The following PRDM11 variants were observed in gnomAD, a reference collection of about 807,000 sequenced individuals.
PRDM11 encodes the protein PR/SET domain 11.
PRDM11 carries 20 observed loss-of-function variants against 97.8 expected under a neutral mutation model. That is an observed-to-expected ratio of 0.20 (90% CI 0.14 to 0.30). The LOEUF is 0.30. Ranked by LOEUF, PRDM11 falls within the 10% of genes least tolerant of loss-of-function variation. PRDM11 has a pLI of 1.00. For synonymous variants in PRDM11, 599 were observed against 637.7 expected (o/e 0.94, Z 0.91); for missense variants, 1,139 against 1,555.2 (o/e 0.73, Z 4.50).
At chr11:45,132,337 T>C (rs1355921866) in intron 1 of PRDM11, among the ~76,000 whole-genome samples, 1 of 152,142 alleles carries the variant, frequency 6.6e-6, no homozygotes, top group African/African-American at 2.4e-5. Flanking sequence ...GTTCACCCCA[T>C]CAAATACATA....
At chr11:45,174,265 A>G (rs146160721) in intron 1 of PRDM11, among the ~76,000 whole-genome samples, 1 of 152,222 alleles carries the variant, frequency 6.6e-6, no homozygotes. Flanking sequence ...AATTTGGTGA[A>G]TATTGTACAG....
intron 1 of PRDM11, among the ~76,000 whole-genome samples, chr11:45,127,748 T>C (rs1358446518): frequency 1.3e-5 from 2 of 152,196 alleles, no homozygotes; most frequent in African/African-American, 4.8e-5. Context: ...CCCTGTGAGG[T>C]GTCAGTCTGC....
chr11:45,140,253 G>A (rs1427800469), intron 1 of PRDM11, among the ~76,000 whole-genome samples: 3 of 152,194 alleles, frequency 2.0e-5, no homozygotes, highest in Non-Finnish European at 2.9e-5. Flanking sequence ...GTGGCTGTAT[G>A]GATTGACATG....
chr11:45,103,067 G>C (rs1852006204), intron 1 of PRDM11, among the ~76,000 whole-genome samples: 2 of 152,186 alleles, frequency 1.3e-5, no homozygotes, highest in African/African-American at 4.8e-5. Context: ...TCCCAGCCCA[G>C]TGCTCATATA....
chr11:45,204,650 G>A (rs937681131), intron 4 of PRDM11, 61 bp from the exon 5 acceptor site: 35 of 1,493,012 alleles, frequency 2.3e-5, no homozygotes, highest in Non-Finnish European at 3.3e-5. Flanking sequence ...TTGGGAAGGA[G>A]CCCAGGGACA....
At chr11:45,172,588 C>G (rs1485667277) in intron 1 of PRDM11, among the ~76,000 whole-genome samples, 1 of 152,106 alleles carries the variant, frequency 6.6e-6, no homozygotes, top group Non-Finnish European at 1.5e-5. Flanking sequence ...ACAGTCAACC[C>G]CTCCTATCCA....
intron 1 of PRDM11, among the ~76,000 whole-genome samples, chr11:45,180,559 C>T (rs920884258): frequency 7.3e-5 from 11 of 151,604 alleles, no homozygotes; most frequent in African/African-American, 2.2e-4. Flanking sequence ...CCCGCCCGGG[C>T]GCCCGCTTCC....
chr11:45,176,542 T>C (rs1004142508), intron 1 of PRDM11, among the ~76,000 whole-genome samples: 5 of 152,154 alleles, frequency 3.3e-5, no homozygotes, highest in Admixed American at 3.3e-4. Context: ...ACAGGACGGA[T>C]GGGGAAACCA....
At chr11:45,148,702 C>G (rs2135680010) in intron 1 of PRDM11, among the ~76,000 whole-genome samples, 1 of 152,260 alleles carries the variant, frequency 6.6e-6, no homozygotes, top group South Asian at 2.1e-4. Context: ...TGATGTGTTC[C>G]ATCAATTTCT....
At chr11:45,146,952 C>CG (rs1851523849) in intron 1 of PRDM11, 75 bp downstream of exon 1, 1 of 145,340 alleles carries the variant, frequency 6.9e-6, no homozygotes, top group Non-Finnish European at 1.5e-5. Context: ...CCAGCGAGCG[C>CG]GGGGGCCGCC....
intron 5 of PRDM11, among the ~76,000 whole-genome samples, chr11:45,208,481 G>T (rs1426423460): frequency 6.6e-6 from 1 of 152,218 alleles, no homozygotes; most frequent in Non-Finnish European, 1.5e-5. Flanking sequence ...CTATCTTTAA[G>T]AGATTTTAAG....
chr11:45,162,200 G>C (rs978577468), intron 1 of PRDM11, among the ~76,000 whole-genome samples: 1 of 152,166 alleles, frequency 6.6e-6, no homozygotes. Flanking sequence ...GCAGAGGGTG[G>C]CTGCTTCAGC....
At chr11:45,156,617 T>C (rs1851800984) in intron 1 of PRDM11, among the ~76,000 whole-genome samples, 1 of 152,264 alleles carries the variant, frequency 6.6e-6, no homozygotes, top group African/African-American at 2.4e-5. Context: ...AAAATATCTG[T>C]TGGCATCAGA....
At chr11:45,156,537 T>C (rs1171491661) in intron 1 of PRDM11, among the ~76,000 whole-genome samples, 1 of 152,222 alleles carries the variant, frequency 6.6e-6, no homozygotes, top group Non-Finnish European at 1.5e-5. Context: ...CATGCAGACT[T>C]TGAGAGAAAG....
intron 5 of PRDM11, among the ~76,000 whole-genome samples, chr11:45,209,787 G>A (rs1355242711): frequency 6.6e-6 from 1 of 152,148 alleles, no homozygotes; most frequent in Non-Finnish European, 1.5e-5. Context: ...TTTTCATTTT[G>A]CATTTGACCC....
At chr11:45,170,553 C>T (rs559260243) in intron 1 of PRDM11, among the ~76,000 whole-genome samples, 1 of 152,162 alleles carries the variant, frequency 6.6e-6, no homozygotes, top group Admixed American at 6.5e-5. Context: ...AGGGCAGCCC[C>T]TGTGGCTGTG....
At chr11:45,218,477 C>T (rs952827917) in intron 5 of PRDM11, among the ~76,000 whole-genome samples, 6 of 152,182 alleles carry the variant, frequency 3.9e-5, no homozygotes, top group African/African-American at 1.4e-4. Flanking sequence ...ATTTTTGTTT[C>T]CCCTGGACTT....
At chr11:45,154,715 C>CTCCCAA (rs1195942685) in intron 1 of PRDM11, among the ~76,000 whole-genome samples, 8 of 152,322 alleles carry the variant, frequency 5.3e-5, no homozygotes, top group African/African-American at 1.9e-4. Context: ...AACTCTCCTC[C>CTCCCAA]TCCCAACTGC....
Position 45,181,811 on chromosome 11 carries a change from C to A in PRDM11, c.45C>A (p.Ala15=), listed in dbSNP as rs373948099. 1.6e-5 allele frequency: 26 copies of A among 1,613,544 alleles called. No homozygotes were observed. Among genetic ancestry groups the A allele is most frequent in the Non-Finnish European group, 2.0e-5 (24 of 1,179,932 alleles). Residue 15 remains alanine (A), a synonymous_variant, in exon 2 of 8, where the codon GCC becomes GCA. Transcript: ENST00000683152. ...AGTGCTTGGCCCAGACCAATGCAGC[C>A]GTGGGGGATATGGTGACGGTGGTGA... ...MKECLAQTNA[A]VGDMVTVVKT...
Sources: gnomAD v4.1 joint callset for allele counts (sites outside exome capture counted in the v4.1 genomes callset) on GRCh38, gnomAD v4.1.1 for gene constraint, MANE v1.5 for transcripts, NCBI Gene and HGNC (gene_info 2026-07-23, HGNC 2026-07-21) for gene names.